Variants in DOCK4 observed in about 807,000 individuals in gnomAD.
The protein encoded by DOCK4 is dedicator of cytokinesis 4.
A neutral mutation model predicts 268.1 loss-of-function variants in DOCK4; 97 were observed. The ratio of observed to expected loss-of-function variants is 0.36; its 90% CI spans 0.31 to 0.43. DOCK4 has a LOEUF of 0.43. DOCK4 is among the 20% of genes least tolerant of loss of function. The pLI is 1.00. For synonymous variants in DOCK4, 954 were observed against 887.2 expected, an observed-to-expected ratio of 1.08 and a Z score of -1.34; for missense variants, 2,145 against 2,455.7, an observed-to-expected ratio of 0.87 and a Z score of 2.67.
At chr7:111,810,488 C>A (rs1246319498) in intron 28 of DOCK4, among the ~76,000 whole-genome samples, 1 of 151,448 alleles carries the variant, frequency 6.6e-6, no homozygotes, top group Non-Finnish European at 1.5e-5. Context: ...CAAGAATAGA[C>A]AATTCACAAA....
At chr7:111,765,969 T>C (rs758861648) in intron 38 of DOCK4, among the ~76,000 whole-genome samples, 5 of 152,144 alleles carry the variant, frequency 3.3e-5, no homozygotes, top group Non-Finnish European at 7.4e-5. Flanking sequence ...GCATGAAGTG[T>C]AATGCTTTGG....
chr7:112,150,576 G>A lies in DOCK4; in HGVS notation c.37+55526C>T, dbSNP rs145046172. Among the ~76,000 whole-genome samples the A allele has an allele frequency of 6.6e-5, 10 of 152,244 alleles. No homozygotes were observed. The East Asian group carries it at 1.9e-3, about 29-fold the overall frequency. On this transcript the variant is annotated intron_variant, in intron 1 of 52. Transcript: ENST00000428084. ...TGGTCTGCTTTGTAAACCTCTTGAG[G>A]TTTGGACTGTTCAGCATCCTAATAC... is the stretch of plus-strand genomic sequence containing the variant.
chr7:111,969,407 C>G (rs1411024978), intron 8 of DOCK4, among the ~76,000 whole-genome samples: 2 of 143,100 alleles, frequency 1.4e-5, no homozygotes, highest in Non-Finnish European at 3.0e-5. Flanking sequence ...ACAAAATTTA[C>G]TAAAAAATAA....
At chr7:111,761,486 C>T (rs753782810) in intron 39 of DOCK4, among the ~76,000 whole-genome samples, 11 of 152,134 alleles carry the variant, frequency 7.2e-5, no homozygotes, top group Non-Finnish European at 1.2e-4. Flanking sequence ...CTAGGAGCTA[C>T]CAAGACCAGG....
intron 1 of DOCK4, among the ~76,000 whole-genome samples, chr7:112,061,506 A>G (rs1199214049): frequency 6.6e-6 from 1 of 152,128 alleles, no homozygotes; most frequent in African/African-American, 2.4e-5. Context: ...TGGGCCTGCT[A>G]CACATGTCTT....
chr7:112,062,686 T>G (rs552903037), intron 1 of DOCK4, among the ~76,000 whole-genome samples: 222 of 152,290 alleles, frequency 1.5e-3, no homozygotes, highest in African/African-American at 4.8e-3. Context: ...TCATTACTTT[T>G]TTGTTGTTGT....
At chr7:111,738,443 T>A (rs1275183342) in intron 49 of DOCK4, among the ~76,000 whole-genome samples, 1 of 152,226 alleles carries the variant, frequency 6.6e-6, no homozygotes, top group Non-Finnish European at 1.5e-5. Flanking sequence ...GGAGAATGCT[T>A]CTCTTCAAGG....
chr7:112,144,613 C>G (rs752807912), intron 1 of DOCK4, among the ~76,000 whole-genome samples: 1 of 152,128 alleles, frequency 6.6e-6, no homozygotes, highest in African/African-American at 2.4e-5. Flanking sequence ...CATCAAGGAC[C>G]CAGGGCAGTG....
At position 111,940,247 on chromosome 7, in the gene DOCK4, T is replaced by C. The variant is rs749661511; in HGVS notation, c.845-5A>G. On this transcript the variant is annotated splice_polypyrimidine_tract_variant and splice_region_variant and intron_variant, in intron 10 of 52. Coordinates refer to ENST00000428084, the MANE Select transcript of DOCK4 (RefSeq NM_001363540.2). The stretch of plus-strand genomic sequence containing the variant: ...TTTCTCCTGCTCCCATTCGACCTGT[T>C]CAATTAAAGAGCAATCATTAACCCA... 6.2e-7 allele frequency: 1 copy of C among 1,613,998 alleles called. No homozygotes were observed. Among genetic ancestry groups the C allele is most frequent in the Non-Finnish European group, 8.5e-7 (1 of 1,179,884 alleles).
At chr7:112,205,799 G>T (rs1821354521) in intron 1 of DOCK4, among the ~76,000 whole-genome samples, 1 of 139,304 alleles carries the variant, frequency 7.2e-6, no homozygotes. Flanking sequence ...ACACACACAC[G>T]CCCAGTCGCC....
intron 26 of DOCK4, among the ~76,000 whole-genome samples, chr7:111,834,231 A>T (rs1803064082): frequency 6.6e-6 from 1 of 152,196 alleles, no homozygotes; most frequent in Non-Finnish European, 1.5e-5. Flanking sequence ...GAGTGAACAT[A>T]TTTACATATT....
chr7:111,972,892 C>T (rs1797837844), intron 8 of DOCK4, among the ~76,000 whole-genome samples: 1 of 151,586 alleles, frequency 6.6e-6, no homozygotes, highest in Non-Finnish European at 1.5e-5. Flanking sequence ...GCACCCATCA[C>T]CTGAGCAGTG....
chr7:112,153,820 A>C (rs1394137748), intron 1 of DOCK4, among the ~76,000 whole-genome samples: 2 of 152,218 alleles, frequency 1.3e-5, no homozygotes, highest in Non-Finnish European at 2.9e-5. Flanking sequence ...TGAATAAGCA[A>C]GCAATGTGTG....
chr7:111,950,441 T>C (rs1386982276), intron 8 of DOCK4, among the ~76,000 whole-genome samples: 2 of 152,238 alleles, frequency 1.3e-5, no homozygotes, highest in Non-Finnish European at 2.9e-5. Context: ...CATTTAGACT[T>C]TTTTCCTAAG....
At chr7:111,772,358 G>A (rs1798173399) in intron 36 of DOCK4, among the ~76,000 whole-genome samples, 1 of 152,104 alleles carries the variant, frequency 6.6e-6, no homozygotes. Context: ...GGGTGATAGA[G>A]TGAGACCCCC....
intron 1 of DOCK4, among the ~76,000 whole-genome samples, chr7:112,108,826 C>A (rs535537167): frequency 2.6e-4 from 39 of 152,302 alleles, no homozygotes; most frequent in African/African-American, 8.7e-4. Flanking sequence ...TGCAAATGGA[C>A]ACTGAAAGTG....
chr7:111,851,885 A>G (rs1223494315), intron 23 of DOCK4, among the ~76,000 whole-genome samples: 2 of 151,706 alleles, frequency 1.3e-5, no homozygotes, highest in Non-Finnish European at 2.9e-5. Flanking sequence ...TCTGTATGCT[A>G]CTAAAAGTGA....
At chr7:112,012,716 A>G (rs1158209872) in intron 1 of DOCK4, among the ~76,000 whole-genome samples, 1 of 152,228 alleles carries the variant, frequency 6.6e-6, no homozygotes, top group Non-Finnish European at 1.5e-5. Flanking sequence ...ATATTCAAAT[A>G]ATATTATTTA....
intron 1 of DOCK4, among the ~76,000 whole-genome samples, chr7:112,166,197 T>C (rs893562730): frequency 6.6e-6 from 1 of 152,162 alleles, no homozygotes; most frequent in African/African-American, 2.4e-5. Flanking sequence ...ATTTTAAGTA[T>C]GAAATAACCT....
Sources: gnomAD v4.1 joint callset for allele counts (sites outside exome capture counted in the v4.1 genomes callset) on GRCh38, gnomAD v4.1.1 for gene constraint, MANE v1.5 for transcripts, NCBI Gene and HGNC (gene_info 2026-07-23, HGNC 2026-07-21) for gene names.